The following PBRM1 variants were observed in gnomAD, a reference collection of about 807,000 sequenced individuals.
The protein encoded by PBRM1 is polybromo 1, also known as protein polybromo-1.
In PBRM1, 27 loss-of-function variants were observed where a neutral mutation model predicts 194.5. The ratio of observed to expected loss-of-function variants is 0.14; its 90% CI spans 0.10 to 0.19. PBRM1 has a LOEUF of 0.19. Among genes scored for constraint, PBRM1 ranks in the 10% least tolerant of loss-of-function variants. The probability of loss-of-function intolerance (pLI) is 1.00; values close to 1 mark genes in which losing one functional copy is unlikely to be tolerated. For synonymous variants in PBRM1, 655 were observed against 693.2 expected (o/e 0.94, Z 0.87); for missense variants, 1,466 against 2,077.2 (o/e 0.71, Z 5.72).
At chr3:52,650,054 T>C (rs1157845108) in intron 6 of PBRM1, among the ~76,000 whole-genome samples, 1 of 152,090 alleles carries the variant, frequency 6.6e-6, no homozygotes, top group Non-Finnish European at 1.5e-5. Context: ...GTAACAGTTA[T>C]TGGGCTGATT....
In PBRM1 at chr3:52,650,720, A is replaced by G. The variant is rs191522763; in HGVS notation, c.714+1022T>C. Among the ~76,000 whole-genome samples, 38 of 152,324 alleles carry G rather than the reference A, an allele frequency of 2.5e-4. No individual in the cohort carries two copies. In the East Asian group the frequency reaches 7.3e-3, roughly 29 times the overall value. On this transcript the variant is annotated intron_variant, in intron 6 of 29. Coordinates refer to ENST00000296302, the Ensembl canonical transcript of PBRM1. The stretch of plus-strand genomic sequence containing the variant: ...TTATCACCAACCTCTATGACTCTGC[A>G]AAGTAGTGATACTACACGCAACATA...
chr3:52,651,713 C>T (rs1301587865), intron 6 of PBRM1, 29 bp downstream of exon 7: 2 of 1,379,268 alleles, frequency 1.5e-6, no homozygotes, highest in East Asian at 2.3e-5. Context: ...CTCTAAACCA[C>T]AATCATTTAC....
chr3:52,563,915 T>C, intron 23 of PBRM1, 135 bp downstream of exon 25: 1 of 623,508 alleles, frequency 1.6e-6, no homozygotes, highest in Non-Finnish European at 2.7e-6. Context: ...AATCTTTAAG[T>C]GAATAAATAT....
intron 22 of PBRM1, among the ~76,000 whole-genome samples, chr3:52,566,048 TCAAAA>T (rs143319527): frequency 0.34 from 50,742 of 151,064 alleles, 9,444 homozygotes; most frequent in Admixed American, 0.46. Flanking sequence ...AGACTCTGTC[TCAAAA>T]CAAAACAAAA....
intron 17 of PBRM1, among the ~76,000 whole-genome samples, chr3:52,600,746 C>A (rs959780424): frequency 6.6e-6 from 1 of 152,206 alleles, no homozygotes; most frequent in African/African-American, 2.4e-5. Flanking sequence ...TAAAGGTATT[C>A]TTCTGCCTCA....
chr3:52,592,918 CTTCTAGATTTTCTAG>C (rs1252445223), intron 17 of PBRM1, among the ~76,000 whole-genome samples: 1 of 152,174 alleles, frequency 6.6e-6, no homozygotes, highest in Non-Finnish European at 1.5e-5. Flanking sequence ...TTATCCATTT[CTTCTAGATTTTCTAG>C]TTTGTGTGCA....
Position 52,609,935 on chromosome 3 carries a change from G to A in PBRM1, c.1945C>T (p.Pro649Ser). 1 of 1,513,096 alleles carries A rather than the reference G, an allele frequency of 6.6e-7. No individual in the cohort carries two copies. The highest frequency in any genetic ancestry group is 8.9e-7 in the Non-Finnish European group (1 of 1,129,602). 93.7% of individuals were successfully genotyped at this position (1,513,096 alleles called of 1,614,324 possible). ...GGAGTCATGTATTTTGATTTTTTAG[G>A]AGAAATGCCACTCTTCCTACCTAAA... The change falls in exon 16 of 30, where the codon CCT (proline) becomes TCT (serine). Residue 649 changes from proline (P) to serine (S), a missense_variant. Coordinates refer to ENST00000296302, the Ensembl canonical transcript of PBRM1. This position sits in a 1 kb window ranked among gnomAD's most constrained non-coding sequence, Gnocchi z 4.1.
At chr3:52,667,238 C>A (rs6779626) in intron 3 of PBRM1, among the ~76,000 whole-genome samples, 6,018 of 152,060 alleles carry the variant, frequency 0.04, 406 homozygotes, top group African/African-American at 0.14. Context: ...ATATCTTGGG[C>A]AAGAGGAATC....
intron 4 of PBRM1, among the ~76,000 whole-genome samples, chr3:52,661,023 TTCTG>T (rs1324719395): frequency 6.6e-6 from 1 of 152,164 alleles, no homozygotes; most frequent in Non-Finnish European, 1.5e-5. Context: ...TCTTTTTATT[TTCTG>T]TCTTTCATTT....
chr3:52,591,511 GTTTTTTTTT>G (rs57736913), intron 17 of PBRM1, among the ~76,000 whole-genome samples: 3 of 71,842 alleles, frequency 4.2e-5, no homozygotes, highest in African/African-American at 1.1e-4. Flanking sequence ...TTTTGTCTTT[GTTTTTTTTT>G]TTTTTTTTTT....
At chr3:52,581,144 C>T (rs1210861992) in intron 20 of PBRM1, among the ~76,000 whole-genome samples, 1 of 152,152 alleles carries the variant, frequency 6.6e-6, no homozygotes, top group Non-Finnish European at 1.5e-5. Context: ...TTCACAATGT[C>T]CAAATAATTT....
intron 10 of PBRM1, among the ~76,000 whole-genome samples, chr3:52,637,773 C>CAAAAAAAAAAAAAAAAAAAAA (rs755241328): frequency 0.019 from 786 of 42,116 alleles, 104 homozygotes; most frequent in Non-Finnish European, 0.034. Context: ...ACTAAAAATA[C>CAAAAAAAAAAAAAAAAAAAAA]AAAAAAAAAA....
At chr3:52,568,195 T>C (rs1360021116) in intron 22 of PBRM1, among the ~76,000 whole-genome samples, 2 of 152,160 alleles carry the variant, frequency 1.3e-5, no homozygotes, top group African/African-American at 4.8e-5. Flanking sequence ...GCCAGGCTAG[T>C]CTTCGACTCC....
intron 16 of PBRM1, among the ~76,000 whole-genome samples, chr3:52,608,247 G>A (rs1162499487): frequency 6.6e-6 from 1 of 152,212 alleles, no homozygotes; most frequent in Non-Finnish European, 1.5e-5. Context: ...GTAGCCCTCT[G>A]CAGTGGAGAG....
chr3:52,575,291 T>C (rs12107683), intron 22 of PBRM1, among the ~76,000 whole-genome samples: 2,510 of 152,068 alleles, frequency 0.017, 78 homozygotes, highest in African/African-American at 0.057. Context: ...TAACCTATAA[T>C]AAGTATTAAG....
intron 3 of PBRM1, among the ~76,000 whole-genome samples, chr3:52,663,368 C>T (rs1333392713): frequency 6.6e-6 from 1 of 152,208 alleles, no homozygotes; most frequent in Non-Finnish European, 1.5e-5. Context: ...GGAGCAAGGA[C>T]GACTGCCCAT....
At chr3:52,674,763 T>C (rs2097058562) in intron 2 of PBRM1, among the ~76,000 whole-genome samples, 1 of 149,878 alleles carries the variant, frequency 6.7e-6, no homozygotes, top group African/African-American at 2.4e-5. Flanking sequence ...TATTTTTACA[T>C]ATATAAATAA....
At chr3:52,677,698 C>A (rs1165760557) in intron 2 of PBRM1, among the ~76,000 whole-genome samples, 2 of 152,062 alleles carry the variant, frequency 1.3e-5, no homozygotes, top group Non-Finnish European at 2.9e-5. Context: ...CAGGAATGAG[C>A]CATTGCGCCC....
intron 20 of PBRM1, among the ~76,000 whole-genome samples, chr3:52,583,936 TACTGGGTTTTAATTTTGTTTTTTA>T (rs1227575288): frequency 2.0e-5 from 3 of 152,172 alleles, no homozygotes; most frequent in Admixed American, 6.6e-5. Flanking sequence ...TGTGACACTG[TACTGGGTTTTAATTTTGTTTTTTA>T]ACTGTAGTTT....
Sources: gnomAD v4.1 joint callset for allele counts (sites outside exome capture counted in the v4.1 genomes callset) on GRCh38, gnomAD v4.1.1 for gene constraint, Gnocchi (gnomAD v3.1) non-coding constraint, MANE v1.5 for transcripts, NCBI Gene and HGNC (gene_info 2026-07-23, HGNC 2026-07-21) for gene names.